The following ZNF492 variants were observed in gnomAD, a reference collection of about 807,000 sequenced individuals.
The protein encoded by ZNF492 is zinc finger protein 115 (Y20).
In ZNF492, 3 loss-of-function variants were observed where a neutral mutation model predicts 6.4. The ratio of observed to expected loss-of-function variants is 0.47; its 90% CI spans 0.21 to 1.22. ZNF492 has a LOEUF of 1.22. Ranked by LOEUF, ZNF492 falls within the 50% of genes most tolerant of loss-of-function variation. The pLI, the probability that ZNF492 is intolerant of heterozygous loss-of-function variation, is 0.22. For synonymous variants in ZNF492, 112 were observed against 205.3 expected (o/e 0.55, Z 3.89); for missense variants, 356 against 612.5 (o/e 0.58, Z 4.42).
chr19:22,634,561 C>G (rs574290464), intron 1 of ZNF492, 87 bp downstream of exon 1: 1 of 1,226,766 alleles, frequency 8.2e-7, no homozygotes, highest in Non-Finnish European at 1.2e-6. Context: ...CTCAGGCCTC[C>G]CCGCAGTCGG....
In ZNF492 at chr19:22,653,943, C is replaced by A; in HGVS notation, c.58C>A (p.Leu20Met). 7 of 1,591,296 alleles carry A rather than the reference C, an allele frequency of 4.4e-6. No homozygotes were observed. The highest frequency in any genetic ancestry group is 5.1e-6 in the Non-Finnish European group (6 of 1,174,646). ...AGGTATTGCTGCCTCTAAGCCAGAC[C>A]TGATCACCTGTCTGGAGCAAGGAAA... ...FVGIAASKPD[L>M]ITCLEQGKEP... The change falls in exon 3 of 4, where the codon CTG becomes ATG. Residue 20 changes from leucine (L) to methionine (M), a missense_variant. Physicochemically the swap from Leu to Met is conservative, Grantham distance 15. Coordinates refer to ENST00000456783, the MANE Select transcript of ZNF492 (RefSeq NM_020855.3).
intron 1 of ZNF492, among the ~76,000 whole-genome samples, chr19:22,636,237 T>A (rs1963578): frequency 0.19 from 29,369 of 151,892 alleles, 3,693 homozygotes; most frequent in African/African-American, 0.36. Context: ...GTAGCTGGGA[T>A]TACAGGCATG....
chr19:22,665,152 C>T lies in ZNF492; in HGVS notation c.1483C>T (p.His495Tyr). Residue 495 changes from histidine (H) to tyrosine (Y), a missense_variant, in exon 4 of 4, where the codon CAT (histidine) becomes TAT (tyrosine). Transcript: ENST00000456783. ...AFNNSSILNR[H>Y]KMIHTGEKLY... Reference sequence around the variant, plus strand: ...TAACAACTCCTCTATTCTTAACAGACATAAGATGATTCATACTGGAGAGAA... The same window carrying T: ...TAACAACTCCTCTATTCTTAACAGATATAAGATGATTCATACTGGAGAGAA... 1 of 1,611,288 alleles carries T rather than the reference C, an allele frequency of 6.2e-7. No homozygotes were observed. The highest frequency in any genetic ancestry group is 8.5e-7 in the Non-Finnish European group (1 of 1,179,576).
At position 22,654,035 on chromosome 19, in the gene ZNF492, A is replaced by T; in HGVS notation, c.130+20A>T. Reference sequence around the variant, plus strand: ...CCCCAGGTAGGTGAGAGTGAAAGTGAATACAACAGATGACACAGATGAGAG... The same window carrying T: ...CCCCAGGTAGGTGAGAGTGAAAGTGTATACAACAGATGACACAGATGAGAG... On this transcript the variant is annotated intron_variant, in intron 3 of 3. Coordinates refer to ENST00000456783, the MANE Select transcript of ZNF492 (RefSeq NM_020855.3). The T allele has an allele frequency of 6.3e-7, 1 of 1,581,046 alleles. No homozygotes were observed. The highest frequency in any genetic ancestry group is 8.6e-7 in the Non-Finnish European group (1 of 1,167,580).
intron 1 of ZNF492, among the ~76,000 whole-genome samples, chr19:22,648,673 G>A (rs982788359): frequency 6.6e-6 from 1 of 152,166 alleles, no homozygotes; most frequent in African/African-American, 2.4e-5. Flanking sequence ...TCTTCTTGTT[G>A]AATTGACTCC....
In ZNF492 at chr19:22,664,126, C is replaced by A. The variant is rs377752527; in HGVS notation, c.457C>A (p.Leu153Ile). The A allele has an allele frequency of 4.4e-5, 71 of 1,604,106 alleles. No individual in the cohort carries two copies. The highest frequency in any genetic ancestry group is 4.7e-5 in the Non-Finnish European group (55 of 1,174,916). ...AGAATGTGAAAAGTCATTTTGCATGCTTTCACACTTAGCTCAACATAAAAG... is the reference window on the plus strand; with the variant it reads ...AGAATGTGAAAAGTCATTTTGCATGATTTCACACTTAGCTCAACATAAAAG... ...CKECEKSFCM[L>I]SHLAQHKRIH... Residue 153 changes from leucine to isoleucine, a missense_variant, in exon 4 of 4, where the codon CTT becomes ATT. By Grantham distance (5) the Leu-to-Ile change is conservative. Coordinates refer to ENST00000456783, the MANE Select transcript of ZNF492 (RefSeq NM_020855.3).
At chr19:22,639,581 A>G (rs1971804427) in intron 1 of ZNF492, among the ~76,000 whole-genome samples, 2 of 151,850 alleles carry the variant, frequency 1.3e-5, no homozygotes, top group African/African-American at 4.8e-5. Context: ...GTGGTGGCGC[A>G]TACCTTTAAT....
At chr19:22,645,382 G>A (rs1971868096) in intron 1 of ZNF492, among the ~76,000 whole-genome samples, 1 of 151,836 alleles carries the variant, frequency 6.6e-6, no homozygotes, top group Non-Finnish European at 1.5e-5. Context: ...TTTTTTTCTT[G>A]TAAATTTTTA....
At chr19:22,659,590 A>ACACACACAC (rs1555725606) in intron 3 of ZNF492, among the ~76,000 whole-genome samples, 2 of 149,604 alleles carry the variant, frequency 1.3e-5, no homozygotes, top group African/African-American at 5.1e-5. Flanking sequence ...ACACACACAC[A>ACACACACAC]CAGAGAGAGA....
intron 1 of ZNF492, among the ~76,000 whole-genome samples, chr19:22,635,750 C>T (rs916409409): frequency 6.6e-6 from 1 of 152,210 alleles, no homozygotes; most frequent in East Asian, 1.9e-4. Context: ...ACCGCTATGG[C>T]GATGTCTGCT....
At chr19:22,636,846 C>A (rs2145239960) in intron 1 of ZNF492, among the ~76,000 whole-genome samples, 1 of 150,140 alleles carries the variant, frequency 6.7e-6, no homozygotes, top group African/African-American at 2.5e-5. Context: ...GTTGGCCAGG[C>A]TGGTCTTGAA....
intron 1 of ZNF492, among the ~76,000 whole-genome samples, chr19:22,637,925 G>A (rs1471231638): frequency 1.3e-5 from 2 of 152,158 alleles, no homozygotes; most frequent in East Asian, 3.9e-4. Flanking sequence ...CTCACTGGAT[G>A]AGATGATATT....
intron 1 of ZNF492, among the ~76,000 whole-genome samples, chr19:22,638,648 A>G (rs992933830): frequency 1.3e-5 from 2 of 152,110 alleles, no homozygotes; most frequent in Non-Finnish European, 2.9e-5. Context: ...AGGTAATGTA[A>G]TGACTTCAGC....
In ZNF492 at chr19:22,666,519, C is replaced by T. The variant is rs1239582101; in HGVS notation, c.*1254C>T. ...GTTGTTTCTTTATTCCTATTGTATTCATATGTGAAAGCATGTGACCAAAAG... is the reference window on the plus strand; with the variant it reads ...GTTGTTTCTTTATTCCTATTGTATTTATATGTGAAAGCATGTGACCAAAAG... On this transcript the variant is annotated 3_prime_UTR_variant, in exon 4 of 4. Coordinates refer to ENST00000456783, the MANE Select transcript of ZNF492 (RefSeq NM_020855.3). 2 of 152,080 alleles carry T rather than the reference C, an allele frequency of 1.3e-5. No individual in the cohort carries two copies. The highest frequency in any genetic ancestry group is 3.9e-4 in the East Asian group (2 of 5,188). 9.4% of individuals were successfully genotyped at this position (152,080 alleles called of 1,614,324 possible).
intron 1 of ZNF492, among the ~76,000 whole-genome samples, chr19:22,643,546 A>G (rs1971850033): frequency 6.6e-6 from 1 of 152,188 alleles, no homozygotes; most frequent in Non-Finnish European, 1.5e-5. Flanking sequence ...TAAAACACCC[A>G]TTCATGGACC....
rs1315113172 is a variant in ZNF492 at position 22,652,359 on chromosome 19, C to T, written c.-93-948C>T. ...TCTCCTGCCTCAGACTCCCGAGTAG[C>T]TGGGACTACAGGCGCCCGCCACCTT... On this transcript the variant is annotated intron_variant, in intron 1 of 3. Transcript: ENST00000456783. 2.2e-5 allele frequency among the ~76,000 whole-genome samples: 3 copies of T among 134,850 alleles called. 1 individual carries two copies. Among genetic ancestry groups the T allele is most frequent in the African/African-American group, 3.3e-5 (1 of 30,546 alleles). The allele number at this position is 134,850 out of a possible 152,430, so 88.5% of individuals were successfully genotyped here. A position where few individuals can be genotyped will look rare whatever the true frequency, so the allele number is the denominator to read the frequency against.
chr19:22,663,931 A>G lies in ZNF492; in HGVS notation c.262A>G (p.Met88Val), dbSNP rs1474471018. 2 of 1,609,008 alleles carry G rather than the reference A, an allele frequency of 1.2e-6. No individual in the cohort carries two copies. Among genetic ancestry groups the G allele is most frequent in the Non-Finnish European group, 1.7e-6 (2 of 1,177,926 alleles). The change falls in exon 4 of 4, where the codon ATG becomes GTG. Residue 88 changes from methionine to valine, a missense_variant. By Grantham distance (21) the Met-to-Val change is conservative (BLOSUM62 1). This residue lies in a region of ZNF492 where 196 missense variants were observed against 219.4 expected (regional missense o/e 0.89). Transcript: ENST00000456783. ...NLQLRKYCKS[M>V]DECKVHKECY... Reference sequence around the variant, plus strand: ...ACAGTTAAGAAAATACTGTAAAAGCATGGATGAGTGTAAGGTGCACAAAGA... The same window carrying G: ...ACAGTTAAGAAAATACTGTAAAAGCGTGGATGAGTGTAAGGTGCACAAAGA...
intron 1 of ZNF492, among the ~76,000 whole-genome samples, chr19:22,638,998 C>T (rs1258292792): frequency 6.6e-6 from 1 of 151,968 alleles, no homozygotes; most frequent in Non-Finnish European, 1.5e-5. Context: ...CCTGCCACCA[C>T]GCCTGGCTAA....
chr19:22,645,369 TG>T (rs1971867978), intron 1 of ZNF492, among the ~76,000 whole-genome samples: 1 of 151,942 alleles, frequency 6.6e-6, no homozygotes. Flanking sequence ...TTGATGGAAT[TG>T]TTTTTTTTCT....
Sources: allele counts gnomAD v4.1 joint callset (sites outside exome capture counted in the v4.1 genomes callset), GRCh38; gene constraint gnomAD v4.1.1; regional missense constraint gnomAD v4.1.1; transcripts MANE v1.5; gene names NCBI Gene and HGNC (gene_info 2026-07-23, HGNC 2026-07-21).